Variants in LRRC17 observed in about 807,000 individuals in gnomAD.
The protein encoded by LRRC17 is leucine-rich repeat-containing protein 17.
In LRRC17, 33 loss-of-function variants were observed where a neutral mutation model predicts 41.5. The ratio of observed to expected loss-of-function variants is 0.80; its 90% confidence interval spans 0.60 to 1.06. The LOEUF is 1.06. Among genes scored for constraint, LRRC17 ranks in the 50% least tolerant of loss-of-function variants. The pLI is 0.00. For synonymous variants in LRRC17, 192 were observed against 197.0 expected, an observed-to-expected ratio of 0.97 and a Z score of 0.21; for missense variants, 491 against 519.3, an observed-to-expected ratio of 0.95 and a Z score of 0.53.
At position 102,939,547 on chromosome 7, in the gene LRRC17, T is replaced by G. The variant is rs1338636802; in HGVS notation, c.890T>G (p.Leu297Ter). 3 of 1,613,972 alleles carry G rather than the reference T, an allele frequency of 1.9e-6. No individual in the cohort carries two copies. The highest frequency in any genetic ancestry group is 1.7e-5 in the Admixed American group (1 of 59,986). The change falls in exon 3 of 4, where the codon TTA becomes TGA. Residue 297 changes from leucine (L) to a stop codon, truncating the protein, a stop_gained. Coordinates refer to ENST00000339431, the MANE Select transcript of LRRC17 (RefSeq NM_001031692.3). LOFTEE classifies it high-confidence loss of function. Reference sequence around the variant, plus strand: ...GAAGATGTTCATGAGCTGAAGAAATTAAACCTCAGCAGCAATGGCATTGAA... The same window carrying G: ...GAAGATGTTCATGAGCTGAAGAAATGAAACCTCAGCAGCAATGGCATTGAA... ...EFEDVHELKK[L>*]NLSSNGIEFI...
rs1822217928 is a variant in LRRC17 at position 102,945,016 on chromosome 7, A to G, written c.*409A>G. The G allele has an allele frequency of 6.5e-6, 1 of 154,948 alleles. No homozygotes were observed. 9.6% of individuals were successfully genotyped at this position (154,948 alleles called of 1,614,324 possible). A position where few individuals can be genotyped will look rare whatever the true frequency, so the allele number is the denominator to read the frequency against. ...AAAATGATTTTATACAAATGCTGTT[A>G]TAATAAAATGTCATTCCCTACCCCT... is the stretch of plus-strand genomic sequence containing the variant. On this transcript the variant is annotated 3_prime_UTR_variant, in exon 4 of 4. Transcript: ENST00000339431.
intron 1 of LRRC17, among the ~76,000 whole-genome samples, chr7:102,915,987 T>C (rs1470733970): frequency 6.6e-6 from 1 of 151,306 alleles, no homozygotes; most frequent in Non-Finnish European, 1.5e-5. Flanking sequence ...GTTTCTTCTT[T>C]TTTTTTTTTT....
chr7:102,922,911 G>A (rs1429081893), intron 1 of LRRC17, among the ~76,000 whole-genome samples: 1 of 152,164 alleles, frequency 6.6e-6, no homozygotes, highest in African/African-American at 2.4e-5. Flanking sequence ...CCGGGAGGCG[G>A]AGCTTGCAGT....
chr7:102,914,807 G>C (rs1815500706), intron 1 of LRRC17, among the ~76,000 whole-genome samples: 2 of 152,164 alleles, frequency 1.3e-5, no homozygotes, highest in African/African-American at 4.8e-5. Flanking sequence ...CCCCTCTCTT[G>C]GGGCTGTCGA....
chr7:102,933,888 G>A lies in LRRC17; in HGVS notation c.-26G>A, dbSNP rs781654151. 11 of 1,568,988 alleles carry A rather than the reference G, an allele frequency of 7.0e-6. No individual in the cohort carries two copies. In the South Asian group the frequency reaches 1.3e-4, roughly 19 times the overall value. ...TTCATTGTTCCGTCTGTAACACGAA[G>A]TAATTGGGGCCAGCTGGATGTCAGG... On this transcript the variant is annotated 5_prime_UTR_variant, in exon 2 of 4. Coordinates refer to ENST00000339431, the MANE Select transcript of LRRC17 (RefSeq NM_001031692.3).
chr7:102,919,179 G>A lies in LRRC17; in HGVS notation c.-141+6034G>A, dbSNP rs1816506247. ...GGAATTATTTACACCACAGAAATCA[G>A]TAAACACTAGGAATTGGTGCTTCTC... On this transcript the variant is annotated intron_variant, in intron 1 of 3. Transcript: ENST00000339431. Among the ~76,000 whole-genome samples, 4 of 152,168 alleles carry A rather than the reference G, an allele frequency of 2.6e-5. No homozygotes were observed. The South Asian group carries it at 8.3e-4, about 32-fold the overall frequency.
intron 2 of LRRC17, among the ~76,000 whole-genome samples, chr7:102,937,860 T>C (rs2129474585): frequency 6.6e-6 from 1 of 152,280 alleles, no homozygotes; most frequent in East Asian, 1.9e-4. Flanking sequence ...GTATACCACA[T>C]ATACATGGTC....
In LRRC17 at chr7:102,914,219, C is replaced by T. The variant is rs563494932; in HGVS notation, c.-141+1074C>T. On this transcript the variant is annotated intron_variant, in intron 1 of 3. Transcript: ENST00000339431. ...TCCCAAGTGGCTGGGATTACAGGCG[C>T]GTGCCAACATGTCCAGCTAATTTTT... Among the ~76,000 whole-genome samples the T allele has an allele frequency of 9.2e-5, 14 of 152,296 alleles. No homozygotes were observed. The South Asian group carries it at 1.0e-3, about 11-fold the overall frequency.
rs200925600 is a variant in LRRC17 at position 102,923,072 on chromosome 7, CA to C, written c.-141+9929del. ...TTTTTTTATTAACATTAATAAGACACAAGGTGATATATGTCAAAGAGGTATG... is the reference window on the plus strand; with the variant it reads ...TTTTTTTATTAACATTAATAAGACACAGGTGATATATGTCAAAGAGGTATG... On this transcript the variant is annotated intron_variant, in intron 1 of 3. Transcript: ENST00000339431. 3.7e-3 allele frequency among the ~76,000 whole-genome samples: 569 copies of C among 152,236 alleles called. 5 individuals carry two copies. The highest frequency in any genetic ancestry group is 0.014 in the African/African-American group (562 of 41,546).
chr7:102,926,831 T>G (rs139210934), intron 1 of LRRC17, among the ~76,000 whole-genome samples: 194 of 152,362 alleles, frequency 1.3e-3, no homozygotes, highest in Non-Finnish European at 1.9e-3. Flanking sequence ...CACATATACA[T>G]TTATACATAG....
At chr7:102,941,109 G>T (rs1034822146) in intron 3 of LRRC17, among the ~76,000 whole-genome samples, 6 of 152,152 alleles carry the variant, frequency 3.9e-5, no homozygotes, top group African/African-American at 1.4e-4. Flanking sequence ...TTTCCCAAGG[G>T]ACAGCAGTAT....
chr7:102,922,658 C>T (rs970414346), intron 1 of LRRC17, among the ~76,000 whole-genome samples: 2 of 152,240 alleles, frequency 1.3e-5, no homozygotes, highest in South Asian at 2.1e-4. Context: ...ATAAATGTAG[C>T]CAGCCAACCA....
At chr7:102,938,459 A>G (rs1457831327) in intron 2 of LRRC17, among the ~76,000 whole-genome samples, 6 of 152,248 alleles carry the variant, frequency 3.9e-5, no homozygotes, top group Admixed American at 2.6e-4. Flanking sequence ...AAATGGGGAA[A>G]TTACCTGGAG....
At chr7:102,924,684 C>G (rs1194083374) in intron 1 of LRRC17, among the ~76,000 whole-genome samples, 2 of 149,960 alleles carry the variant, frequency 1.3e-5, no homozygotes, top group Non-Finnish European at 1.5e-5. Flanking sequence ...CTCTGTCGCC[C>G]AGGCTGGAGT....
In LRRC17 at chr7:102,944,517, T is replaced by G; in HGVS notation, c.1236T>G (p.Phe412Leu). 1 of 1,614,088 alleles carries G rather than the reference T, an allele frequency of 6.2e-7. No homozygotes were observed. The highest frequency in any genetic ancestry group is 8.5e-7 in the Non-Finnish European group (1 of 1,179,966). The change falls in exon 4 of 4, where the codon TTT (phenylalanine) becomes TTG (leucine). Residue 412 changes from phenylalanine (F) to leucine (L), a missense_variant. Physicochemically the swap from Phe to Leu is conservative, Grantham distance 22 (BLOSUM62 0). Transcript: ENST00000339431. ...KDKLPAYPESFDQDTEDDEWE... is the reference protein window; with the variant it reads ...KDKLPAYPESLDQDTEDDEWE... ...AGTTACCAGCATATCCTGAGTCATT[T>G]GACCAAGACACAGAAGATGATGAAT...
At chr7:102,943,351 C>A (rs1478959309) in intron 3 of LRRC17, among the ~76,000 whole-genome samples, 1 of 146,636 alleles carries the variant, frequency 6.8e-6, no homozygotes. Flanking sequence ...AAAAAAAAAG[C>A]CCAAAATACA....
chr7:102,927,133 A>G (rs2129472184), intron 1 of LRRC17, among the ~76,000 whole-genome samples: 1 of 152,284 alleles, frequency 6.6e-6, no homozygotes, highest in African/African-American at 2.4e-5. Flanking sequence ...AATTTACAAG[A>G]CCAGATGAAT....
intron 2 of LRRC17, among the ~76,000 whole-genome samples, chr7:102,935,909 G>T (rs923433566): frequency 1.3e-5 from 2 of 152,128 alleles, no homozygotes; most frequent in Non-Finnish European, 2.9e-5. Flanking sequence ...CAGAGAGGAG[G>T]CCGTGGCTCC....
At chr7:102,919,052 CACTGG>C (rs112630543) in intron 1 of LRRC17, among the ~76,000 whole-genome samples, 77 of 152,316 alleles carry the variant, frequency 5.1e-4, no homozygotes, top group African/African-American at 1.8e-3. Context: ...CCACAGTGGT[CACTGG>C]AGCCAGCTTG....
Sources: gnomAD v4.1 joint callset for allele counts (sites outside exome capture counted in the v4.1 genomes callset) on GRCh38, gnomAD v4.1.1 for gene constraint, MANE v1.5 for transcripts, NCBI Gene and HGNC (gene_info 2026-07-23, HGNC 2026-07-21) for gene names.